The following PHC2 variants were observed in gnomAD, a reference collection of about 807,000 sequenced individuals.
PHC2 encodes the protein polyhomeotic homolog 2.
Under a neutral mutation model 87.4 loss-of-function variants are expected in PHC2, and 29 were observed. The observed-to-expected ratio is 0.33, with a 90% confidence interval of 0.25 to 0.45. The LOEUF is 0.45. PHC2 is among the 20% of genes least tolerant of loss of function. The pLI is 1.00. For synonymous variants in PHC2, 438 were observed against 461.7 expected (o/e 0.95, Z 0.66); for missense variants, 857 against 1,136.7 (o/e 0.75, Z 3.54).
At chr1:33,401,615 G>A (rs1002037790) in intron 1 of PHC2, among the ~76,000 whole-genome samples, 11 of 152,136 alleles carry the variant, frequency 7.2e-5, no homozygotes, top group African/African-American at 2.4e-5. Flanking sequence ...ACTACAAATC[G>A]GGACTTTTTG....
At chr1:33,340,515 C>T (rs1646723467) in intron 9 of PHC2, among the ~76,000 whole-genome samples, 1 of 152,194 alleles carries the variant, frequency 6.6e-6, no homozygotes, top group African/African-American at 2.4e-5. Flanking sequence ...AAGCAACAGG[C>T]CGTACTGCAG....
intron 1 of PHC2, among the ~76,000 whole-genome samples, chr1:33,401,079 C>A (rs1649504236): frequency 6.6e-6 from 1 of 152,172 alleles, no homozygotes; most frequent in Admixed American, 6.5e-5. Context: ...GTAATCCTAG[C>A]ACTTTGGGAG....
intron 7 of PHC2, among the ~76,000 whole-genome samples, chr1:33,357,993 G>T (rs72658260): frequency 5.3e-5 from 8 of 152,026 alleles, no homozygotes; most frequent in Non-Finnish European, 1.0e-4. Flanking sequence ...CTGGCTGTGC[G>T]GCCTGAGACA....
chr1:33,330,337 A>G, intron 12 of PHC2, 125 bp from the exon 13 acceptor site: 3 of 941,600 alleles, frequency 3.2e-6, no homozygotes, highest in Admixed American at 4.0e-5. Flanking sequence ...TCCTAACTCC[A>G]TCACTAACTA....
At chr1:33,337,766 A>G (rs997772997) in intron 9 of PHC2, among the ~76,000 whole-genome samples, 1 of 152,222 alleles carries the variant, frequency 6.6e-6, no homozygotes, top group Non-Finnish European at 1.5e-5. Flanking sequence ...ATTCGTAATC[A>G]TCCTAGGCCC....
intron 7 of PHC2, among the ~76,000 whole-genome samples, chr1:33,362,323 C>T (rs911742831): frequency 4.6e-5 from 7 of 152,142 alleles, no homozygotes; most frequent in African/African-American, 1.7e-4. Flanking sequence ...GTCTGGGGTG[C>T]AGGAGGACCT....
chr1:33,371,444 T>C (rs552149852), intron 3 of PHC2, among the ~76,000 whole-genome samples: 78 of 150,386 alleles, frequency 5.2e-4, no homozygotes, highest in Middle Eastern at 3.4e-3. Context: ...CCATCACACC[T>C]GGCCACCACC....
In PHC2 at chr1:33,331,305, A is replaced by C. The variant is rs764274086; in HGVS notation, c.2006+43T>G. 2.8e-6 allele frequency: 3 copies of C among 1,069,158 alleles called. No homozygotes were observed. The African/African-American group carries it at 4.7e-5, about 17-fold the overall frequency. The allele number at this position is 1,069,158 out of a possible 1,614,324, so 66.2% of individuals were successfully genotyped here. A position where few individuals can be genotyped will look rare whatever the true frequency, so the allele number is the denominator to read the frequency against. ...CTATTAATGGCAGGAGGTGGGACATAAAGTGCAGTCCTGGGGAAATGGAGG... is the reference window on the plus strand; with the variant it reads ...CTATTAATGGCAGGAGGTGGGACATCAAGTGCAGTCCTGGGGAAATGGAGG... On this transcript the variant is annotated intron_variant, in intron 12 of 14. Coordinates refer to ENST00000683057, the MANE Select transcript of PHC2 (RefSeq NM_001385109.1). This position sits in a 1 kb window ranked among gnomAD's most constrained non-coding sequence, Gnocchi z 5.2.
intron 1 of PHC2, among the ~76,000 whole-genome samples, chr1:33,383,435 T>C (rs1343853099): frequency 6.6e-6 from 1 of 152,244 alleles, no homozygotes; most frequent in Non-Finnish European, 1.5e-5. Context: ...AATGATTTCA[T>C]TGTGATGCAA....
Position 33,368,547 on chromosome 1 carries a change from TG to T in PHC2, c.651del (p.Thr218ProfsTer8). The T allele has an allele frequency of 2.7e-6, 4 of 1,509,422 alleles. No individual in the cohort carries two copies. The highest frequency in any genetic ancestry group is 1.8e-6 in the Non-Finnish European group (2 of 1,115,810). 93.5% of individuals were successfully genotyped at this position (1,509,422 alleles called of 1,614,324 possible). On this transcript the variant is annotated frameshift_variant, in exon 6 of 15. Coordinates refer to ENST00000683057, the MANE Select transcript of PHC2 (RefSeq NM_001385109.1). LOFTEE classifies it high-confidence loss of function. The surrounding 1 kb of genome is among the most constrained non-coding windows in gnomAD (Gnocchi z 6.6). ...ELGTGSPARP[P>X]TPAQVQNLTL... ...CATGGAGTCCTCACCTGGGCGGGGG[TG>T]GGGGGCCGGGCGGGGGAGCCAGTGC...
chr1:33,368,877 G>A lies in PHC2; in HGVS notation c.577-255C>T, dbSNP rs1378255192. ...GCATCCTGACCCAGGCTGGGTGCAGGGGTGGGTGGGGAGAGCCGCTCTGGG... is the reference window on the plus strand; with the variant it reads ...GCATCCTGACCCAGGCTGGGTGCAGAGGTGGGTGGGGAGAGCCGCTCTGGG... On this transcript the variant is annotated intron_variant, in intron 5 of 14. Coordinates refer to ENST00000683057, the MANE Select transcript of PHC2 (RefSeq NM_001385109.1). This position sits in a 1 kb window ranked among gnomAD's most constrained non-coding sequence, Gnocchi z 6.6. 6.6e-6 allele frequency among the ~76,000 whole-genome samples: 1 copy of A among 152,128 alleles called. No homozygotes were observed. Among genetic ancestry groups the A allele is most frequent in the Non-Finnish European group, 1.5e-5 (1 of 68,018 alleles).
At chr1:33,341,157 G>A (rs1570459384) in intron 9 of PHC2, among the ~76,000 whole-genome samples, 2 of 152,204 alleles carry the variant, frequency 1.3e-5, no homozygotes, top group East Asian at 1.9e-4. Context: ...ATGAAATGGG[G>A]TACTTATATC....
chr1:33,371,572 T>C (rs1158669839), intron 3 of PHC2, among the ~76,000 whole-genome samples: 1 of 152,176 alleles, frequency 6.6e-6, no homozygotes, highest in Non-Finnish European at 1.5e-5. Context: ...TTTGCAGACA[T>C]GAGCTGGAGT....
Position 33,329,022 on chromosome 1 carries a change from G to A in PHC2, c.2273C>T (p.Ser758Leu). The A allele has an allele frequency of 6.2e-7, 1 of 1,614,236 alleles. No individual in the cohort carries two copies. Among genetic ancestry groups the A allele is most frequent in the Non-Finnish European group, 8.5e-7 (1 of 1,180,036 alleles). The change falls in exon 14 of 15, where the codon TCA (serine) becomes TTA (leucine). Residue 758 changes from serine to leucine, a missense_variant. Around this residue, in one of 3 missense-constraint regions of PHC2, gnomAD observed 832 missense variants for 1,081.8 expected, o/e 0.77. Coordinates refer to ENST00000683057, the MANE Select transcript of PHC2 (RefSeq NM_001385109.1). Reference sequence around the variant, plus strand: ...GCCTTGTCGCCGGCGGGAAGTAGATGAGCTGGCTGAGATGGGTGACAAGGG... The same window carrying A: ...GCCTTGTCGCCGGCGGGAAGTAGATAAGCTGGCTGAGATGGGTGACAAGGG... ...EEPLSPISAS[S>L]STSRRRQGQR...
chr1:33,403,344 C>G (rs895284486), intron 1 of PHC2, among the ~76,000 whole-genome samples: 1 of 151,600 alleles, frequency 6.6e-6, no homozygotes, highest in African/African-American at 2.4e-5. Context: ...CCAGGATGGT[C>G]TCGATCTCTT....
chr1:33,367,885 T>G (rs1337027061), intron 6 of PHC2, among the ~76,000 whole-genome samples: 3 of 152,262 alleles, frequency 2.0e-5, no homozygotes, highest in Non-Finnish European at 4.4e-5. Context: ...TGTCTCAGAA[T>G]AAGGTTGCCA....
chr1:33,430,499 C>T (rs1482671899), intron 1 of PHC2, among the ~76,000 whole-genome samples: 1 of 152,110 alleles, frequency 6.6e-6, no homozygotes, highest in East Asian at 1.9e-4. Flanking sequence ...CCGGGTCTCA[C>T]CGCACTCTGC....
chr1:33,368,841 A>G lies in PHC2; in HGVS notation c.577-219T>C, dbSNP rs1340197866. 6.6e-6 allele frequency among the ~76,000 whole-genome samples: 1 copy of G among 151,888 alleles called. No individual in the cohort carries two copies. Among genetic ancestry groups the G allele is most frequent in the Non-Finnish European group, 1.5e-5 (1 of 67,964 alleles). ...CCAAGGGGAGCGCCTGCCTTTCTCT[A>G]GAGGCTCGTTGCATCCTGACCCAGG... On this transcript the variant is annotated intron_variant, in intron 5 of 14. Coordinates refer to ENST00000683057, the MANE Select transcript of PHC2 (RefSeq NM_001385109.1). This position sits in a 1 kb window ranked among gnomAD's most constrained non-coding sequence, Gnocchi z 6.6.
Position 33,353,000 on chromosome 1 carries a change from G to A in PHC2, c.1558+1401C>T, listed in dbSNP as rs147315800. On this transcript the variant is annotated intron_variant, in intron 9 of 14. Transcript: ENST00000683057. ...CAACAAATTTTGGTTCCTCCCTACC[G>A]TAAAACATGGATCTAGGGAACAGCC... Among the ~76,000 whole-genome samples the A allele has an allele frequency of 2.9e-4, 44 of 152,278 alleles. No homozygotes were observed. The East Asian group carries it at 3.9e-3, about 13-fold the overall frequency.
Sources: allele counts gnomAD v4.1 joint callset (sites outside exome capture counted in the v4.1 genomes callset), GRCh38; gene constraint gnomAD v4.1.1; regional missense constraint gnomAD v4.1.1; non-coding constraint Gnocchi (gnomAD v3.1); transcripts MANE v1.5; gene names NCBI Gene and HGNC (gene_info 2026-07-23, HGNC 2026-07-21).